The following NTM variants were observed in gnomAD, a reference collection of about 807,000 sequenced individuals.
The protein encoded by NTM is neurotrimin.
Under a neutral mutation model 42.1 loss-of-function variants are expected in NTM, and 13 were observed. That is an observed-to-expected ratio of 0.31 (90% confidence interval 0.20 to 0.49). The LOEUF (loss-of-function observed/expected upper bound fraction) is 0.49. Ranked by LOEUF, NTM falls within the 20% of genes least tolerant of loss-of-function variation. The pLI, the probability that NTM is intolerant of heterozygous loss-of-function variation, is 0.99. For synonymous variants in NTM, 187 were observed against 179.2 expected, an observed-to-expected ratio of 1.04 and a Z score of -0.35; for missense variants, 373 against 452.8, an observed-to-expected ratio of 0.82 and a Z score of 1.60.
chr11:132,100,374 T>C (rs1434679944), intron 2 of NTM, among the ~76,000 whole-genome samples: 1 of 152,200 alleles, frequency 6.6e-6, no homozygotes, highest in East Asian at 1.9e-4. Flanking sequence ...ACCACTATGA[T>C]CTGACTGTGG....
chr11:131,577,374 C>A (rs2058031684), intron 1 of NTM, among the ~76,000 whole-genome samples: 1 of 152,058 alleles, frequency 6.6e-6, no homozygotes, highest in Admixed American at 6.6e-5. Flanking sequence ...GGCTATCTAT[C>A]AACTCTTATA....
At chr11:131,826,985 G>T (rs1464485758) in intron 1 of NTM, among the ~76,000 whole-genome samples, 2 of 152,078 alleles carry the variant, frequency 1.3e-5, no homozygotes, top group Non-Finnish European at 2.9e-5. Flanking sequence ...GGCTGGAGGT[G>T]GTAGTGCCCC....
At chr11:132,312,632 G>A (rs1019355519) in intron 6 of NTM, 2 of 154,816 alleles carry the variant, frequency 1.3e-5, no homozygotes, top group Non-Finnish European at 2.9e-5. Flanking sequence ...TCAAGCAGGA[G>A]CCTACTTTCA....
chr11:131,419,574 T>C (rs1383762988), intron 1 of NTM, among the ~76,000 whole-genome samples: 1 of 152,074 alleles, frequency 6.6e-6, no homozygotes, highest in Non-Finnish European at 1.5e-5. Flanking sequence ...TCAGCATGTT[T>C]CAAGGGACTG....
chr11:132,190,250 ATAACCAAAGCATGG>A (rs770531823), intron 3 of NTM, among the ~76,000 whole-genome samples: 5 of 152,190 alleles, frequency 3.3e-5, no homozygotes, highest in Non-Finnish European at 5.9e-5. Flanking sequence ...AGCCATACTA[ATAACCAAAGCATGG>A]TAATGAGATA....
chr11:131,543,421 C>A (rs982907004), intron 1 of NTM, among the ~76,000 whole-genome samples: 24 of 152,208 alleles, frequency 1.6e-4, no homozygotes, highest in African/African-American at 5.8e-4. Flanking sequence ...TAACCTCTTT[C>A]CCAAGACCCA....
intron 3 of NTM, among the ~76,000 whole-genome samples, chr11:132,183,689 G>C (rs1168744979): frequency 6.6e-6 from 1 of 152,106 alleles, no homozygotes; most frequent in Admixed American, 6.5e-5. Context: ...CCTGGTCATA[G>C]AAACTTTAGA....
rs1565404654 is a variant in NTM, at chr11:131,672,835, ACGGTGCCG to A, written c.83-238728_83-238721del. ...GTTCTCCCTTAAAACAGAGAAGACCACGGTGCCGGGGTGGGGGTGGGGTGTGACCGTGT... is the reference window on the plus strand; with the variant it reads ...GTTCTCCCTTAAAACAGAGAAGACCAGGGTGGGGGTGGGGTGTGACCGTGT... On this transcript the variant is annotated intron_variant, in intron 1 of 8. Coordinates refer to ENST00000683400, the MANE Select transcript of NTM (RefSeq NM_001352005.2). Among the ~76,000 whole-genome samples, 35 of 130,726 alleles carry A rather than the reference ACGGTGCCG, an allele frequency of 2.7e-4. 1 individual carries two copies. The highest frequency in any genetic ancestry group is 1.0e-3 in the African/African-American group (35 of 34,934). 85.8% of individuals were successfully genotyped at this position (130,726 alleles called of 152,430 possible).
chr11:132,247,592 C>T (rs1472829955), intron 4 of NTM, among the ~76,000 whole-genome samples: 1 of 152,102 alleles, frequency 6.6e-6, no homozygotes, highest in Non-Finnish European at 1.5e-5. Context: ...CAGACTCAAA[C>T]TATACTGGAG....
chr11:132,266,526 A>G (rs2093193552), intron 4 of NTM, among the ~76,000 whole-genome samples: 3 of 152,218 alleles, frequency 2.0e-5, no homozygotes, highest in Admixed American at 2.0e-4. Context: ...GCCAAATAGA[A>G]GCCACATGTA....
At chr11:131,503,672 T>G (rs431773) in intron 1 of NTM, among the ~76,000 whole-genome samples, 54,573 of 151,618 alleles carry the variant, frequency 0.36, 10,988 homozygotes, top group African/African-American at 0.55. Context: ...ACAGGCACAC[T>G]CCACTATGCC....
intron 1 of NTM, among the ~76,000 whole-genome samples, chr11:131,827,343 G>A (rs1335934042): frequency 1.3e-5 from 2 of 152,160 alleles, no homozygotes; most frequent in Non-Finnish European, 2.9e-5. Flanking sequence ...TGAATAGTTG[G>A]AGACCAAGGC....
chr11:131,731,376 CTT>C (rs145631523), intron 1 of NTM, among the ~76,000 whole-genome samples: 19,453 of 152,218 alleles, frequency 0.13, 1,592 homozygotes, highest in South Asian at 0.21. Flanking sequence ...AACACTTAGT[CTT>C]GATGCTGATC....
At chr11:131,539,087 CA>C (rs1384922611) in intron 1 of NTM, 1 of 152,030 alleles carries the variant, frequency 6.6e-6, no homozygotes, top group Non-Finnish European at 1.5e-5. Context: ...CGCATGCCAC[CA>C]TACCCAGCTA....
At chr11:131,959,124 T>C (rs1010953853) in intron 2 of NTM, among the ~76,000 whole-genome samples, 1 of 152,224 alleles carries the variant, frequency 6.6e-6, no homozygotes, top group African/African-American at 2.4e-5. Context: ...CCCAAGTGGA[T>C]GTTCTGTGCT....
intron 2 of NTM, among the ~76,000 whole-genome samples, chr11:132,104,609 G>GTAATAATAATAATAATAA (rs147673814): frequency 2.7e-5 from 4 of 146,380 alleles, no homozygotes; most frequent in African/African-American, 1.0e-4. Flanking sequence ...ATAACTAATA[G>GTAATAATAATAATAATAA]TAATAATCAT....
intron 2 of NTM, among the ~76,000 whole-genome samples, chr11:132,004,603 CTT>C (rs139628720): frequency 2.0e-3 from 200 of 99,218 alleles, no homozygotes; most frequent in African/African-American, 7.0e-3. Flanking sequence ...CTCTTTCTCT[CTT>C]TCTCTCTCTC....
intron 4 of NTM, among the ~76,000 whole-genome samples, chr11:132,235,070 T>G (rs1251994863): frequency 6.6e-6 from 1 of 152,214 alleles, no homozygotes; most frequent in Non-Finnish European, 1.5e-5. Flanking sequence ...GAAGACTCTG[T>G]TGTAGCAGCA....
chr11:131,451,618 G>C (rs2136047846), intron 1 of NTM, among the ~76,000 whole-genome samples: 1 of 152,300 alleles, frequency 6.6e-6, no homozygotes, highest in Admixed American at 6.5e-5. Context: ...TAAGAGATGG[G>C]TATGGCTGGA....
Sources: gnomAD v4.1 joint callset for allele counts (sites outside exome capture counted in the v4.1 genomes callset) on GRCh38, gnomAD v4.1.1 for gene constraint, MANE v1.5 for transcripts, NCBI Gene and HGNC (gene_info 2026-07-23, HGNC 2026-07-21) for gene names.